DLG1: variants seen among roughly 807,000 people sequenced by gnomAD.
DLG1 encodes discs large MAGUK scaffold protein 1.
Under a neutral mutation model 123.4 loss-of-function variants are expected in DLG1, and 42 were observed. The ratio of observed to expected loss-of-function variants is 0.34; its 90% CI spans 0.27 to 0.44. The LOEUF (loss-of-function observed/expected upper bound fraction) is 0.44. Ranked by LOEUF, DLG1 falls within the 20% of genes least tolerant of loss-of-function variation. The pLI, the probability that DLG1 is intolerant of heterozygous loss-of-function variation, is 1.00. For synonymous variants in DLG1, 317 were observed against 356.2 expected, an observed-to-expected ratio of 0.89 and a Z score of 1.24; for missense variants, 942 against 1,082.6, an observed-to-expected ratio of 0.87 and a Z score of 1.82.
In DLG1 at chr3:197,184,059, GTGGATTTCTTTCTC is replaced by G. The variant is rs1314835691; in HGVS notation, c.483+10352_483+10365del. On this transcript the variant is annotated intron_variant, in intron 5 of 24. Transcript: ENST00000667157. ...TTGCAGACAAAAAAGACGACATAAG[GTGGATTTCTTTCTC>G]ATGATTATTTTTTCACCAGCGTCTG... 4.0e-6 allele frequency: 5 copies of G among 1,262,244 alleles called. No homozygotes were observed. The African/African-American group carries it at 7.6e-5, about 19-fold the overall frequency. The allele number at this position is 1,262,244 out of a possible 1,614,324, so 78.2% of individuals were successfully genotyped here. A position where few individuals can be genotyped will look rare whatever the true frequency, so the allele number is the denominator to read the frequency against.
Position 197,297,193 on chromosome 3 carries a change from C to G in DLG1, c.12G>C (p.Arg4=). The change falls in exon 2 of 25, where the codon CGG becomes CGC. Residue 4 remains arginine (R), a synonymous_variant. Coordinates refer to ENST00000667157, the MANE Select transcript of DLG1 (RefSeq NM_001366207.1). ...TACGGAATAAACTCTCACCTTGCTT[C>G]CGGACCGGCATTTTTCTCCAGAATC... The part of the protein sequence containing the change: MPV[R]KQDTQRALHL... 1 of 1,614,110 alleles carries G rather than the reference C, an allele frequency of 6.2e-7. No individual in the cohort carries two copies. Among genetic ancestry groups the G allele is most frequent in the South Asian group, 1.1e-5 (1 of 91,082 alleles).
At chr3:197,164,739 T>TAAA (rs145314765) in intron 5 of DLG1, among the ~76,000 whole-genome samples, 113 of 130,682 alleles carry the variant, frequency 8.6e-4, no homozygotes, top group African/African-American at 3.3e-3. Flanking sequence ...CCGTCTCTAC[T>TAAA]AAAAAAAAAA....
chr3:197,084,552 C>A (rs532903114), intron 16 of DLG1, among the ~76,000 whole-genome samples: 3 of 151,662 alleles, frequency 2.0e-5, no homozygotes, highest in Non-Finnish European at 4.4e-5. Context: ...CCTCGTGATC[C>A]GCCCACCTCG....
chr3:197,294,344 G>A (rs947114470), intron 3 of DLG1, among the ~76,000 whole-genome samples: 1 of 152,070 alleles, frequency 6.6e-6, no homozygotes. Context: ...TATAAACTTA[G>A]TAATTAGGAA....
chr3:197,212,673 G>A (rs184695603), intron 4 of DLG1, among the ~76,000 whole-genome samples: 2 of 152,266 alleles, frequency 1.3e-5, no homozygotes, highest in Admixed American at 1.3e-4. Context: ...CAGTTATACT[G>A]GAATAGCCCA....
At chr3:197,270,549 A>G (rs546018003) in intron 4 of DLG1, among the ~76,000 whole-genome samples, 1 of 152,312 alleles carries the variant, frequency 6.6e-6, no homozygotes, top group African/African-American at 2.4e-5. Context: ...ATAACTACAA[A>G]CAGAATGATT....
intron 4 of DLG1, among the ~76,000 whole-genome samples, chr3:197,273,853 A>AAAAAAAAC (rs1765061548): frequency 1.3e-5 from 2 of 149,948 alleles, no homozygotes; most frequent in Admixed American, 6.6e-5. Flanking sequence ...AGCTACCAAA[A>AAAAAAAAC]AAAAAAAAAA....
intron 4 of DLG1, among the ~76,000 whole-genome samples, chr3:197,262,119 A>G (rs1759690857): frequency 1.3e-5 from 2 of 152,198 alleles, no homozygotes; most frequent in Admixed American, 1.3e-4. Flanking sequence ...CTAATGAGGT[A>G]ACTTAAAGTG....
At chr3:197,076,410 G>C (rs1747305678) in intron 18 of DLG1, among the ~76,000 whole-genome samples, 176 bp downstream of exon 18, 1 of 152,008 alleles carries the variant, frequency 6.6e-6, no homozygotes, top group South Asian at 2.1e-4. Context: ...AATTCCTAAG[G>C]TGCCAGAAAA....
At chr3:197,272,190 C>T (rs1185350393) in intron 4 of DLG1, among the ~76,000 whole-genome samples, 1 of 151,964 alleles carries the variant, frequency 6.6e-6, no homozygotes, top group Non-Finnish European at 1.5e-5. Context: ...ATTTATTCAC[C>T]ACTTAACATG....
chr3:197,154,026 G>C (rs535495156), intron 5 of DLG1, among the ~76,000 whole-genome samples: 1 of 152,216 alleles, frequency 6.6e-6, no homozygotes, highest in South Asian at 2.1e-4. Flanking sequence ...AATAAGGCTG[G>C]GTGTGGTGGC....
chr3:197,215,122 A>G (rs2150438064), intron 4 of DLG1, among the ~76,000 whole-genome samples: 1 of 152,340 alleles, frequency 6.6e-6, no homozygotes, highest in East Asian at 1.9e-4. Context: ...TTTACAAATG[A>G]TATTACTATT....
chr3:197,140,220 G>A lies in DLG1; in HGVS notation c.633C>T (p.Asn211=). The part of the protein sequence containing the change: ...LGFSIAGGTD[N]PHIGDDSSIF... Reference sequence around the variant, plus strand: ...TACTTGAGTCATCTCCAATGTGTGGGTTGTCCGTACCTCCTGCAATGCTGA... The same window carrying A: ...TACTTGAGTCATCTCCAATGTGTGGATTGTCCGTACCTCCTGCAATGCTGA... Residue 211 remains asparagine, a synonymous_variant, in exon 8 of 25, where the codon AAC becomes AAT. Coordinates refer to ENST00000667157, the MANE Select transcript of DLG1 (RefSeq NM_001366207.1). The A allele has an allele frequency of 6.2e-7, 1 of 1,613,302 alleles. No individual in the cohort carries two copies. The highest frequency in any genetic ancestry group is 8.5e-7 in the Non-Finnish European group (1 of 1,179,568).
chr3:197,179,085 T>C (rs951745828), intron 5 of DLG1, among the ~76,000 whole-genome samples: 17 of 152,110 alleles, frequency 1.1e-4, no homozygotes, highest in African/African-American at 4.1e-4. Flanking sequence ...CAAAGCAAGA[T>C]TATTTATTTG....
Position 197,142,773 on chromosome 3 carries a change from A to G in DLG1, c.538-5T>C. 1 of 1,602,406 alleles carries G rather than the reference A, an allele frequency of 6.2e-7. No individual in the cohort carries two copies. The highest frequency in any genetic ancestry group is 8.5e-7 in the Non-Finnish European group (1 of 1,176,650). On this transcript the variant is annotated splice_polypyrimidine_tract_variant and splice_region_variant and intron_variant, in intron 6 of 24. Transcript: ENST00000667157. Reference sequence around the variant, plus strand: ...ATCTGCATCTGTGCCATTAACCTACAGGGGAAAAGAAAAGCAGCTCAGAAA... The same window carrying G: ...ATCTGCATCTGTGCCATTAACCTACGGGGGAAAAGAAAAGCAGCTCAGAAA...
chr3:197,179,851 A>G (rs114577544), intron 5 of DLG1, among the ~76,000 whole-genome samples: 6,134 of 152,076 alleles, frequency 0.04, 178 homozygotes, highest in Non-Finnish European at 0.054. Flanking sequence ...TAGCCTAAAT[A>G]TTTTTCCACA....
Position 197,138,248 on chromosome 3 carries a change from T to C in DLG1, c.857A>G (p.Glu286Gly). The change falls in exon 9 of 25, where the codon GAA (glutamate) becomes GGA (glycine). Residue 286 changes from glutamate (E) to glycine (G), a missense_variant. Coordinates refer to ENST00000667157, the MANE Select transcript of DLG1 (RefSeq NM_001366207.1). Reference sequence around the variant, plus strand: ...TTTAGGACCTTTAATGAGCTTTATTTCCATTATTTTTTCTGACACTGGTTT... The same window carrying C: ...TTTAGGACCTTTAATGAGCTTTATTCCCATTATTTTTTCTGACACTGGTTT... ...RRKPVSEKIM[E>G]IKLIKGPKGL... The C allele has an allele frequency of 6.2e-7, 1 of 1,602,124 alleles. No individual in the cohort carries two copies. Among genetic ancestry groups the C allele is most frequent in the South Asian group, 1.1e-5 (1 of 89,636 alleles).
At chr3:197,277,354 G>C (rs1232128745) in intron 4 of DLG1, among the ~76,000 whole-genome samples, 1 of 142,458 alleles carries the variant, frequency 7.0e-6, no homozygotes, top group African/African-American at 2.6e-5. Flanking sequence ...TTTTCCAGAG[G>C]GAGTCTCACC....
chr3:197,263,504 A>C lies in DLG1; in HGVS notation c.318+19175T>G, dbSNP rs573291559. Among the ~76,000 whole-genome samples, 7 of 152,264 alleles carry C rather than the reference A, an allele frequency of 4.6e-5. No homozygotes were observed. In the East Asian group the frequency reaches 1.2e-3, roughly 25 times the overall value. ...GGACAAGACTCAAGAATGTCTCATG[A>C]GGCTGGGCATGGTAGCTCACACCTG... On this transcript the variant is annotated intron_variant, in intron 4 of 24. Transcript: ENST00000667157.
Sources: gnomAD v4.1 joint callset for allele counts (sites outside exome capture counted in the v4.1 genomes callset) on GRCh38, gnomAD v4.1.1 for gene constraint, MANE v1.5 for transcripts, NCBI Gene and HGNC (gene_info 2026-07-23, HGNC 2026-07-21) for gene names.